SYT16: variants seen among roughly 807,000 people sequenced by gnomAD.
SYT16 encodes synaptotagmin-16.
Under a neutral mutation model 61.4 loss-of-function variants are expected in SYT16, and 42 were observed. The observed-to-expected ratio is 0.68, with a 90% CI of 0.53 to 0.89. SYT16 has a LOEUF of 0.89. Ranked by LOEUF, SYT16 falls within the 40% of genes least tolerant of loss-of-function variation. The pLI, the probability that SYT16 is intolerant of heterozygous loss-of-function variation, is 0.00. For synonymous variants in SYT16, 314 were observed against 302.3 expected (o/e 1.04, Z -0.40); for missense variants, 804 against 807.3 (o/e 1.00, Z 0.05).
chr14:62,001,779 T>C (rs901152384), intron 3 of SYT16, among the ~76,000 whole-genome samples: 2 of 151,974 alleles, frequency 1.3e-5, no homozygotes, highest in African/African-American at 4.8e-5. Context: ...GTTTCATCAC[T>C]TTTTTTTCTT....
intron 7 of SYT16, among the ~76,000 whole-genome samples, chr14:62,089,896 G>A (rs577129241): frequency 5.9e-5 from 9 of 152,360 alleles, no homozygotes; most frequent in Non-Finnish European, 8.8e-5. Flanking sequence ...TTAGCAGTAA[G>A]AGTTAGAAAC....
At position 62,107,621 on chromosome 14, in the gene SYT16, A is replaced by T. The variant is rs1177822597; in HGVS notation, c.*6914A>T. The T allele has an allele frequency of 6.6e-6, 1 of 152,112 alleles. No individual in the cohort carries two copies. Among genetic ancestry groups the T allele is most frequent in the East Asian group, 1.9e-4 (1 of 5,190 alleles). 9.4% of individuals were successfully genotyped at this position (152,112 alleles called of 1,614,324 possible). ...TAATAAGATCTTTTATTAACCTTGA[A>T]TTTTTGGCTTAATGTATTTCTGTAA... On this transcript the variant is annotated 3_prime_UTR_variant, in exon 8 of 8. Transcript: ENST00000683842.
chr14:62,007,781 T>C (rs1314399356), intron 3 of SYT16, among the ~76,000 whole-genome samples: 6 of 152,082 alleles, frequency 3.9e-5, no homozygotes, highest in Admixed American at 2.6e-4. Flanking sequence ...TTTTTTTTTC[T>C]ATTCTTAACA....
intron 3 of SYT16, among the ~76,000 whole-genome samples, chr14:62,037,198 T>A (rs979739592): frequency 6.6e-6 from 1 of 152,168 alleles, no homozygotes; most frequent in African/African-American, 2.4e-5. Context: ...TGAGCTTTTT[T>A]TTTTACCCCT....
intron 3 of SYT16, among the ~76,000 whole-genome samples, chr14:62,055,748 G>A (rs1375103821): frequency 1.3e-5 from 2 of 152,170 alleles, no homozygotes; most frequent in Non-Finnish European, 2.9e-5. Flanking sequence ...TCCTCTAGAG[G>A]AACAAAGCTA....
At chr14:61,967,297 G>T (rs934287467) in intron 1 of SYT16, among the ~76,000 whole-genome samples, 2 of 152,228 alleles carry the variant, frequency 1.3e-5, no homozygotes, top group Non-Finnish European at 2.9e-5. Context: ...TGTAACCTGA[G>T]TTAGGGAATT....
intron 6 of SYT16, 52 bp downstream of exon 6, chr14:62,081,326 G>T (rs1193790926): frequency 5.2e-6 from 8 of 1,542,984 alleles, no homozygotes; most frequent in Admixed American, 1.9e-5. Context: ...GAAGACCTGG[G>T]ATTGTCAGCC....
At chr14:62,026,418 C>T (rs529677802) in intron 3 of SYT16, among the ~76,000 whole-genome samples, 17 of 152,254 alleles carry the variant, frequency 1.1e-4, no homozygotes, top group Non-Finnish European at 1.5e-4. Context: ...TGAAGGCCTT[C>T]TTGCTGCATC....
chr14:61,866,236 T>C (rs939953132), intron 1 of SYT16, among the ~76,000 whole-genome samples: 1 of 152,130 alleles, frequency 6.6e-6, no homozygotes, highest in Non-Finnish European at 1.5e-5. Context: ...ACCTAGGAGT[T>C]GACTTGCTGG....
intron 3 of SYT16, among the ~76,000 whole-genome samples, chr14:62,058,209 T>C (rs966464399): frequency 6.6e-6 from 1 of 152,208 alleles, no homozygotes; most frequent in Non-Finnish European, 1.5e-5. Flanking sequence ...TTCCAGATTT[T>C]GACTATTACA....
At chr14:61,897,671 G>A (rs555385174) in intron 1 of SYT16, among the ~76,000 whole-genome samples, 1 of 152,178 alleles carries the variant, frequency 6.6e-6, no homozygotes, top group South Asian at 2.1e-4. Flanking sequence ...GACTCACACA[G>A]CTGATTTGCT....
intron 1 of SYT16, among the ~76,000 whole-genome samples, chr14:61,929,462 C>A (rs927368332): frequency 1.3e-5 from 2 of 152,154 alleles, no homozygotes; most frequent in Admixed American, 1.3e-4. Context: ...ATTAACCTGG[C>A]GGTCGTGCCT....
intron 1 of SYT16, among the ~76,000 whole-genome samples, chr14:61,909,665 A>T (rs1284226934): frequency 6.6e-6 from 1 of 152,174 alleles, no homozygotes; most frequent in Admixed American, 6.5e-5. Flanking sequence ...GTCACAGGTT[A>T]TGAGTGTTAG....
At chr14:62,025,011 A>G (rs1387932971) in intron 3 of SYT16, among the ~76,000 whole-genome samples, 3 of 152,102 alleles carry the variant, frequency 2.0e-5, no homozygotes, top group Admixed American at 2.0e-4. Flanking sequence ...TCTAGATGTA[A>G]CAGTTTATGT....
chr14:62,002,068 G>A (rs2053040524), intron 3 of SYT16, among the ~76,000 whole-genome samples: 1 of 151,962 alleles, frequency 6.6e-6, no homozygotes, highest in Admixed American at 6.6e-5. Flanking sequence ...TTTGAGTTTG[G>A]CTGTCTTGGT....
At chr14:61,969,415 G>C (rs1364867378) in intron 1 of SYT16, among the ~76,000 whole-genome samples, 2 of 152,156 alleles carry the variant, frequency 1.3e-5, no homozygotes, top group African/African-American at 4.8e-5. Flanking sequence ...ACTCTTTGAG[G>C]CATACTGGGT....
chr14:62,080,660 G>T (rs1408136758), intron 5 of SYT16, among the ~76,000 whole-genome samples, 174 bp from the exon 6 acceptor site: 1 of 152,188 alleles, frequency 6.6e-6, no homozygotes, highest in Non-Finnish European at 1.5e-5. Flanking sequence ...TGCCGTCAAA[G>T]AATTCACAGT....
intron 1 of SYT16, among the ~76,000 whole-genome samples, chr14:61,875,444 G>A (rs1217353933): frequency 1.3e-5 from 2 of 152,166 alleles, no homozygotes; most frequent in Non-Finnish European, 2.9e-5. Context: ...ATTTTGAAGG[G>A]TAACGAAAAC....
intron 1 of SYT16, among the ~76,000 whole-genome samples, chr14:61,911,388 G>A (rs1189363801): frequency 6.6e-6 from 1 of 152,168 alleles, no homozygotes; most frequent in East Asian, 1.9e-4. Context: ...CAATTTGGAG[G>A]GGCATTCACA....
Sources: gnomAD v4.1 joint callset for allele counts (sites outside exome capture counted in the v4.1 genomes callset) on GRCh38, gnomAD v4.1.1 for gene constraint, MANE v1.5 for transcripts, NCBI Gene and HGNC (gene_info 2026-07-23, HGNC 2026-07-21) for gene names.